RGS9: variants seen among roughly 807,000 people sequenced by gnomAD.
RGS9 encodes the protein regulator of G-protein signalling 9.
Under a neutral mutation model 102.0 loss-of-function variants are expected in RGS9, and 78 were observed. The observed-to-expected ratio is 0.76, with a 90% CI of 0.64 to 0.92. The LOEUF is 0.92. Among genes scored for constraint, RGS9 ranks in the 40% least tolerant of loss-of-function variants. The pLI is 0.00. For missense variants in RGS9, 833 were observed against 866.1 expected (o/e 0.96, Z 0.48); for synonymous variants, 353 against 318.6 (o/e 1.11, Z -1.15).
chr17:65,194,127 G>A (rs867208081), intron 12 of RGS9, among the ~76,000 whole-genome samples: 15 of 152,218 alleles, frequency 9.9e-5, no homozygotes, highest in South Asian at 4.1e-4. Flanking sequence ...TGGGTATTGC[G>A]CTTCTAGGAA....
At chr17:65,208,060 A>G (rs779065764) in intron 16 of RGS9, 53 bp downstream of exon 16, 1 of 1,246,468 alleles carries the variant, frequency 8.0e-7, no homozygotes, top group Non-Finnish European at 1.2e-6. Flanking sequence ...TTTACAGAGA[A>G]GTGAGGGTCT....
intron 8 of RGS9, among the ~76,000 whole-genome samples, chr17:65,169,786 C>T (rs1054224510): frequency 6.6e-6 from 1 of 152,214 alleles, no homozygotes; most frequent in South Asian, 2.1e-4. Flanking sequence ...GATGCTGAAT[C>T]ACATAAATAT....
chr17:65,138,656 G>A (rs1910005849), intron 1 of RGS9, among the ~76,000 whole-genome samples: 1 of 152,080 alleles, frequency 6.6e-6, no homozygotes, highest in Non-Finnish European at 1.5e-5. Flanking sequence ...AACCCTGAGA[G>A]CCTGTATTGC....
intron 10 of RGS9, 83 bp downstream of exon 10, chr17:65,189,398 G>A (rs1912272109): frequency 9.2e-7 from 1 of 1,088,158 alleles, no homozygotes; most frequent in South Asian, 1.3e-5. Context: ...CTCTGCGCTT[G>A]GTAATGAAAT....
At chr17:65,155,859 C>T (rs1030664173) in intron 2 of RGS9, among the ~76,000 whole-genome samples, 4 of 152,140 alleles carry the variant, frequency 2.6e-5, no homozygotes, top group African/African-American at 9.7e-5. Flanking sequence ...TGTTAACACT[C>T]ACAATAAAGT....
chr17:65,188,988 A>G, intron 9 of RGS9: 1 of 470,188 alleles, frequency 2.1e-6, no homozygotes, highest in Non-Finnish European at 3.9e-6. Context: ...TTCTGTAGGC[A>G]CTATGCTAAA....
intron 17 of RGS9, among the ~76,000 whole-genome samples, chr17:65,215,548 T>TTTCTTTCTTTC (rs67924068): frequency 7.7e-5 from 6 of 78,274 alleles, no homozygotes; most frequent in African/African-American, 1.9e-4. Flanking sequence ...TTCTTTCTTT[T>TTTCTTTCTTTC]TTTTTGTTTT....
intron 1 of RGS9, among the ~76,000 whole-genome samples, chr17:65,140,582 G>T (rs1442010141): frequency 6.6e-6 from 1 of 152,138 alleles, no homozygotes; most frequent in Non-Finnish European, 1.5e-5. Context: ...AAATTAAGAA[G>T]ATCACTGGTG....
intron 9 of RGS9, among the ~76,000 whole-genome samples, chr17:65,183,371 C>T (rs1015247006): frequency 6.6e-6 from 1 of 152,142 alleles, no homozygotes. Flanking sequence ...GATCCGCCTG[C>T]CTTGGACTCT....
chr17:65,208,104 C>A, intron 16 of RGS9, 97 bp downstream of exon 16: 1 of 839,848 alleles, frequency 1.2e-6, no homozygotes, highest in Non-Finnish European at 2.0e-6. Context: ...GAGATATTTG[C>A]TTGATGAAAA....
chr17:65,191,084 C>T (rs542743738), intron 11 of RGS9, among the ~76,000 whole-genome samples: 1 of 152,346 alleles, frequency 6.6e-6, no homozygotes, highest in South Asian at 2.1e-4. Context: ...CCTGACCCCA[C>T]ACACATTTCA....
At position 65,225,304 on chromosome 17, in the gene RGS9, C is replaced by T. The variant is rs766944990; in HGVS notation, c.1710C>T (p.Pro570=). 5.6e-6 allele frequency: 9 copies of T among 1,609,846 alleles called. No individual in the cohort carries two copies. In the East Asian group the frequency reaches 1.8e-4, roughly 32 times the overall value. ...ACACCTCCTGGCCTCGCAGCCGGCCCAGGGCCCCTCCTAAGGCCCGCATGG... is the reference window on the plus strand; with the variant it reads ...ACACCTCCTGGCCTCGCAGCCGGCCTAGGGCCCCTCCTAAGGCCCGCATGG... ...SLDTSWPRSR[P]RAPPKARMAL... is the part of the protein sequence containing the mutation. The change falls in exon 18 of 19, where the codon CCC becomes CCT. Residue 570 remains proline (P), a synonymous_variant. Coordinates refer to ENST00000262406, the MANE Select transcript of RGS9 (RefSeq NM_003835.4).
At chr17:65,214,221 C>G (rs1216108198) in intron 17 of RGS9, among the ~76,000 whole-genome samples, 1 of 152,202 alleles carries the variant, frequency 6.6e-6, no homozygotes, top group African/African-American at 2.4e-5. Flanking sequence ...CCTCAGCCTC[C>G]CAAAGTGCTG....
intron 17 of RGS9, among the ~76,000 whole-genome samples, chr17:65,219,410 C>T (rs1432499285): frequency 6.6e-6 from 1 of 152,082 alleles, no homozygotes; most frequent in Admixed American, 6.5e-5. Context: ...CCACAGGGCC[C>T]GTTGAAATCC....
At chr17:65,213,777 G>A (rs1199162893) in intron 17 of RGS9, among the ~76,000 whole-genome samples, 1 of 152,110 alleles carries the variant, frequency 6.6e-6, no homozygotes, top group Non-Finnish European at 1.5e-5. Context: ...GCCTGCTCAA[G>A]TTGAGACACA....
intron 1 of RGS9, among the ~76,000 whole-genome samples, chr17:65,152,997 G>C (rs539594325): frequency 6.6e-6 from 1 of 152,222 alleles, no homozygotes; most frequent in Non-Finnish European, 1.5e-5. Context: ...CACTGCAGGG[G>C]TGGCTTTGAG....
chr17:65,171,064 A>G (rs1598582724), intron 8 of RGS9, among the ~76,000 whole-genome samples: 1 of 152,224 alleles, frequency 6.6e-6, no homozygotes, highest in African/African-American at 2.4e-5. Flanking sequence ...GCCAAGGCAA[A>G]CAAAGCACTT....
In RGS9 at chr17:65,183,366, G is replaced by A. The variant is rs113148875; in HGVS notation, c.654+5563G>A. ...TCAAAATCCTGTCCTCGAGTGATCC[G>A]CCTGCCTTGGACTCTCAAAGTGCTA... On this transcript the variant is annotated intron_variant, in intron 9 of 18. Transcript: ENST00000262406. 8.9e-3 allele frequency among the ~76,000 whole-genome samples: 1,357 copies of A among 152,104 alleles called. 19 individuals are homozygous for A. Among genetic ancestry groups the A allele is most frequent in the African/African-American group, 0.031 (1,297 of 41,462 alleles).
chr17:65,177,373 C>T (rs74988765), intron 8 of RGS9, among the ~76,000 whole-genome samples: 9,582 of 151,554 alleles, frequency 0.063, 838 homozygotes, highest in East Asian at 0.29. Context: ...ACCATCTACC[C>T]GCCACCCATT....
Sources: gnomAD v4.1 joint callset for allele counts (sites outside exome capture counted in the v4.1 genomes callset) on GRCh38, gnomAD v4.1.1 for gene constraint, MANE v1.5 for transcripts, NCBI Gene and HGNC (gene_info 2026-07-23, HGNC 2026-07-21) for gene names.